CTPS2: variants seen among roughly 807,000 people sequenced by gnomAD.
CTPS2 encodes the protein CTP synthase 2, also known as CTP synthase II.
In CTPS2, 19 loss-of-function variants were observed where a neutral mutation model predicts 46.8. The observed-to-expected ratio is 0.41, with a 90% confidence interval of 0.28 to 0.60. CTPS2 has a LOEUF of 0.60. CTPS2 is among the 20% of genes least tolerant of loss of function. The pLI, the probability that CTPS2 is intolerant of heterozygous loss-of-function variation, is 0.35. For missense variants in CTPS2, 286 were observed against 447.6 expected, an observed-to-expected ratio of 0.64 and a Z score of 3.26; for synonymous variants, 151 against 165.2, an observed-to-expected ratio of 0.91 and a Z score of 0.66.
Position 16,651,095 on chromosome X carries a change from A to G in CTPS2, c.1297-11852T>C. On this transcript the variant is annotated intron_variant, in intron 13 of 18. Transcript: ENST00000359276. ...GGTGATCCAGACCAGTTGTCAAAGG[A>G]TGAACTGAAGCTATTGATTCAGGCT... 8.6e-7 allele frequency: 1 copy of G among 1,162,312 alleles called. No homozygotes were observed. Among genetic ancestry groups the G allele is most frequent in the Non-Finnish European group, 1.2e-6 (1 of 863,882 alleles).
At chrX:16,672,513 G>A (rs760171228) in intron 10 of CTPS2, among the ~76,000 whole-genome samples, 21 of 111,879 alleles carry the variant, frequency 1.9e-4, no homozygotes, top group African/African-American at 6.2e-4. Flanking sequence ...TCAGAGGTTG[G>A]ATTAATGATG....
At chrX:16,593,354 G>A (rs759120053) in intron 17 of CTPS2, among the ~76,000 whole-genome samples, 25 of 106,197 alleles carry the variant, frequency 2.4e-4, no homozygotes, top group African/African-American at 6.9e-4. Flanking sequence ...GCGTGAACCC[G>A]GGAGGCGGAG....
At chrX:16,602,568 G>T (rs1389531436) in intron 17 of CTPS2, among the ~76,000 whole-genome samples, 2 of 111,928 alleles carry the variant, frequency 1.8e-5, no homozygotes, top group East Asian at 5.6e-4. Flanking sequence ...TAGGGGGTGT[G>T]TTGAGTGAAT....
At chrX:16,681,630 C>G (rs1922754296) in intron 9 of CTPS2, among the ~76,000 whole-genome samples, 1 of 111,307 alleles carries the variant, frequency 9.0e-6, no homozygotes, top group Non-Finnish European at 1.9e-5. Flanking sequence ...ACCGCAGTAT[C>G]AAACTCCTGG....
chrX:16,700,695 C>T (rs189660727), intron 2 of CTPS2, among the ~76,000 whole-genome samples: 3 of 111,152 alleles, frequency 2.7e-5, no homozygotes, highest in Admixed American at 1.9e-4. Context: ...TTATTTCTCC[C>T]TCATGTTACA....
At chrX:16,617,748 T>C (rs899957196) in intron 15 of CTPS2, among the ~76,000 whole-genome samples, 2 of 112,138 alleles carry the variant, frequency 1.8e-5, no homozygotes, top group Non-Finnish European at 3.8e-5. Flanking sequence ...ATGACCTGGC[T>C]TGTGGCCCTT....
At chrX:16,646,751 C>T (rs1170861502) in intron 13 of CTPS2, among the ~76,000 whole-genome samples, 9 of 112,032 alleles carry the variant, frequency 8.0e-5, no homozygotes, top group African/African-American at 2.9e-4. Flanking sequence ...CCTGAAGGTG[C>T]TTTTCAAGAC....
intron 13 of CTPS2, among the ~76,000 whole-genome samples, chrX:16,663,996 C>T (rs6527696): frequency 0.42 from 45,770 of 109,272 alleles, 7,260 homozygotes; most frequent in African/African-American, 0.51. Flanking sequence ...CCACCACGCC[C>T]AGCTAATTTC....
At chrX:16,636,420 C>T (rs1931750443) in intron 14 of CTPS2, among the ~76,000 whole-genome samples, 1 of 110,974 alleles carries the variant, frequency 9.0e-6, no homozygotes, top group Non-Finnish European at 1.9e-5. Flanking sequence ...AGAAAGAAGC[C>T]AGACACAAAA....
intron 14 of CTPS2, among the ~76,000 whole-genome samples, chrX:16,629,288 G>A (rs954523099): frequency 1.8e-5 from 2 of 112,544 alleles, no homozygotes; most frequent in African/African-American, 3.2e-5. Context: ...TTTAGCGAAT[G>A]GTTTCCCCAG....
At chrX:16,647,089 T>C (rs936064271) in intron 13 of CTPS2, among the ~76,000 whole-genome samples, 1 of 110,707 alleles carries the variant, frequency 9.0e-6, no homozygotes, top group Admixed American at 9.7e-5. Flanking sequence ...TTTACCCTCA[T>C]GCTTTTAAGT....
intron 13 of CTPS2, among the ~76,000 whole-genome samples, chrX:16,639,731 G>GAGAAAGAA (rs57226798): frequency 1.5e-4 from 10 of 66,763 alleles, no homozygotes; most frequent in African/African-American, 5.2e-4. Context: ...TCCAAAAAAA[G>GAGAAAGAA]AGAAAGAAAG....
At chrX:16,674,825 G>A (rs773122640) in intron 10 of CTPS2, among the ~76,000 whole-genome samples, 1 of 102,111 alleles carries the variant, frequency 9.8e-6, no homozygotes, top group East Asian at 3.1e-4. Context: ...GCAACAAGGC[G>A]AGACTCCGTC....
intron 10 of CTPS2, among the ~76,000 whole-genome samples, chrX:16,673,186 G>A (rs1921929733): frequency 9.0e-6 from 1 of 111,114 alleles, no homozygotes; most frequent in Admixed American, 9.6e-5. Flanking sequence ...GCGCCCGGCC[G>A]AGGCTACTCT....
At chrX:16,683,943 A>T (rs1442539495) in intron 8 of CTPS2, among the ~76,000 whole-genome samples, 1 of 112,138 alleles carries the variant, frequency 8.9e-6, no homozygotes, top group East Asian at 2.8e-4. Flanking sequence ...AGAACGATTT[A>T]AAATATTACT....
At chrX:16,624,138 C>G (rs1444183210) in intron 14 of CTPS2, among the ~76,000 whole-genome samples, 2 of 110,629 alleles carry the variant, frequency 1.8e-5, no homozygotes, top group African/African-American at 6.6e-5. Context: ...AGCAGGTACT[C>G]AATAATGAAT....
intron 17 of CTPS2, among the ~76,000 whole-genome samples, chrX:16,607,830 G>T (rs1165231406): frequency 8.9e-6 from 1 of 112,790 alleles, no homozygotes; most frequent in Non-Finnish European, 1.9e-5. Flanking sequence ...ATTCTGGATG[G>T]TTGCTTCTGC....
intron 14 of CTPS2, among the ~76,000 whole-genome samples, chrX:16,626,002 C>G (rs745465224): frequency 9.0e-6 from 1 of 111,462 alleles, no homozygotes; most frequent in Non-Finnish European, 1.9e-5. Context: ...GCTTGAGGGT[C>G]GGGCCTTTGC....
chrX:16,593,428 C>CA (rs5901587), intron 17 of CTPS2, among the ~76,000 whole-genome samples: 1,923 of 29,349 alleles, frequency 0.066, 93 homozygotes, highest in African/African-American at 0.16. Flanking sequence ...GACTCTGTCT[C>CA]AAAAAAAAAA....
Sources: allele counts gnomAD v4.1 joint callset (sites outside exome capture counted in the v4.1 genomes callset), GRCh38; gene constraint gnomAD v4.1.1; transcripts MANE v1.5; gene names NCBI Gene and HGNC (gene_info 2026-07-23, HGNC 2026-07-21).